Variants in ABCD2 observed in about 807,000 individuals in gnomAD.
ABCD2 encodes the protein ATP binding cassette subfamily D member 2, also known as ATP-binding cassette sub-family D member 2.
Under a neutral mutation model 70.9 loss-of-function variants are expected in ABCD2, and 36 were observed. The observed-to-expected ratio is 0.51, with a 90% confidence interval of 0.39 to 0.67. The LOEUF (loss-of-function observed/expected upper bound fraction) is 0.67. Among genes scored for constraint, ABCD2 ranks in the 30% least tolerant of loss-of-function variants. ABCD2 has a pLI of 0.00. For synonymous variants in ABCD2, 304 were observed against 306.9 expected (o/e 0.99, Z 0.10); for missense variants, 729 against 890.2 (o/e 0.82, Z 2.30).
intron 6 of ABCD2, 118 bp from the exon 7 acceptor site, chr12:39,586,415 ATATT>A (rs1941667632): frequency 4.9e-6 from 5 of 1,011,946 alleles, no homozygotes; most frequent in Non-Finnish European, 7.0e-6. Context: ...TTCCAGGATG[ATATT>A]TGTTACCTGG....
intron 9 of ABCD2, among the ~76,000 whole-genome samples, chr12:39,571,099 G>A (rs1941441863): frequency 6.6e-6 from 1 of 152,112 alleles, no homozygotes; most frequent in African/African-American, 2.4e-5. Context: ...TGGAAAAAAG[G>A]GAACTCTTAC....
chr12:39,538,178 T>TC, the ABCD2 span, among the ~76,000 whole-genome samples: 1 of 149,836 alleles, frequency 6.7e-6, no homozygotes, highest in Non-Finnish European at 1.5e-5. Flanking sequence ...TTTCTTTTTT[T>TC]TTTTTTTTTG....
intron 6 of ABCD2, among the ~76,000 whole-genome samples, chr12:39,593,407 CATAT>C (rs1941772620): frequency 6.6e-6 from 1 of 152,128 alleles, no homozygotes; most frequent in Admixed American, 6.6e-5. Context: ...CAAGTACCAC[CATAT>C]CCAGCTACTT....
At chr12:39,597,578 A>G (rs1224909488) in intron 6 of ABCD2, among the ~76,000 whole-genome samples, 1 of 152,170 alleles carries the variant, frequency 6.6e-6, no homozygotes, top group East Asian at 1.9e-4. Context: ...CAGGATGGCT[A>G]ATATAGGAGA....
intron 6 of ABCD2, among the ~76,000 whole-genome samples, chr12:39,598,285 C>G (rs1941847008): frequency 6.6e-6 from 1 of 152,162 alleles, no homozygotes; most frequent in South Asian, 2.1e-4. Flanking sequence ...AAAGCTCTGT[C>G]TTATGACTTG....
chr12:39,574,043 A>AT (rs1324073150), intron 8 of ABCD2, among the ~76,000 whole-genome samples: 1 of 152,116 alleles, frequency 6.6e-6, no homozygotes, highest in East Asian at 1.9e-4. Context: ...ATTTAAATAG[A>AT]TTTTCTGACG....
chr12:39,618,712 T>C lies in ABCD2; in HGVS notation c.904A>G (p.Asn302Asp). 1.9e-6 allele frequency: 3 copies of C among 1,614,214 alleles called. No individual in the cohort carries two copies. The highest frequency in any genetic ancestry group is 2.5e-6 in the Non-Finnish European group (3 of 1,180,030). The change falls in exon 1 of 10, where the codon AAT becomes GAT. Residue 302 changes from asparagine (N) to aspartate (D), a missense_variant. Asn to Asp is a conservative substitution (Grantham distance 23, BLOSUM62 1). Coordinates refer to ENST00000308666, the MANE Select transcript of ABCD2 (RefSeq NM_005164.4). ...CTGTAAAAGGCAATTTCTTCTACAT[T>C]GGCTATAATTCTCGAGTGCACATAC... is the stretch of plus-strand genomic sequence containing the variant. ...LRYVHSRIIA[N>D]VEEIAFYRGH...
At position 39,600,982 on chromosome 12, in the gene ABCD2, A is replaced by G. The variant is rs992148121; in HGVS notation, c.1501-266T>C. On this transcript the variant is annotated intron_variant, in intron 5 of 9. Coordinates refer to ENST00000308666, the MANE Select transcript of ABCD2 (RefSeq NM_005164.4). ...CTTTCCAAAATTGTAATTTGTTATCAGATACCACATACACATAGAGAAAAA... is the reference window on the plus strand; with the variant it reads ...CTTTCCAAAATTGTAATTTGTTATCGGATACCACATACACATAGAGAAAAA... 7.8e-4 allele frequency among the ~76,000 whole-genome samples: 119 copies of G among 152,128 alleles called. 2 individuals are homozygous for G. The highest frequency in any genetic ancestry group is 2.7e-3 in the African/African-American group (112 of 41,452).
intron 6 of ABCD2, among the ~76,000 whole-genome samples, chr12:39,589,508 C>T (rs188800620): frequency 1.3e-5 from 2 of 151,670 alleles, no homozygotes; most frequent in Non-Finnish European, 2.9e-5. Flanking sequence ...TCTTGTCAGC[C>T]TCCCAAGTAG....
chr12:39,540,938 A>G, the ABCD2 span, among the ~76,000 whole-genome samples: 1 of 152,376 alleles, frequency 6.6e-6, no homozygotes, highest in East Asian at 1.9e-4. Context: ...GGACCTCCTG[A>G]AGGCTGTGTC....
chr12:39,580,147 A>C (rs1941576867), intron 7 of ABCD2, among the ~76,000 whole-genome samples: 1 of 152,174 alleles, frequency 6.6e-6, no homozygotes, highest in South Asian at 2.1e-4. Context: ...CTAGGTTTAC[A>C]CATGTCTGGT....
chr12:39,559,005 T>C (rs1566530508), intron 9 of ABCD2, among the ~76,000 whole-genome samples: 1 of 152,238 alleles, frequency 6.6e-6, no homozygotes, highest in Admixed American at 6.5e-5. Flanking sequence ...AACAGGTTAC[T>C]TGCAAACTTA....
chr12:39,558,620 C>A (rs1397433869), intron 9 of ABCD2, among the ~76,000 whole-genome samples: 3 of 152,262 alleles, frequency 2.0e-5, no homozygotes, highest in African/African-American at 4.8e-5. Flanking sequence ...TGTAGTTCCT[C>A]CTGAGTTCAT....
the ABCD2 span, among the ~76,000 whole-genome samples, chr12:39,531,300 A>G: frequency 9.9e-5 from 15 of 152,266 alleles, no homozygotes; most frequent in African/African-American, 3.4e-4. Flanking sequence ...GCTGCGTTAA[A>G]ACCTAATCAG....
chr12:39,553,237 A>G lies in ABCD2; in HGVS notation c.*675T>C, dbSNP rs1941113243. 1 of 152,014 alleles carries G rather than the reference A, an allele frequency of 6.6e-6. No homozygotes were observed. Among genetic ancestry groups the G allele is most frequent in the South Asian group, 2.1e-4 (1 of 4,834 alleles). 9.4% of individuals were successfully genotyped at this position (152,014 alleles called of 1,614,324 possible). A position where few individuals can be genotyped will look rare whatever the true frequency, so the allele number is the denominator to read the frequency against. ...TATTGGCAATTCTCTTTTTAAAATG[A>G]AAGGATTTATTAAAAATATTTAAGA... On this transcript the variant is annotated 3_prime_UTR_variant, in exon 10 of 10. Coordinates refer to ENST00000308666, the MANE Select transcript of ABCD2 (RefSeq NM_005164.4).
intron 9 of ABCD2, among the ~76,000 whole-genome samples, chr12:39,569,138 C>T (rs1368606257): frequency 1.3e-5 from 2 of 152,224 alleles, no homozygotes; most frequent in East Asian, 3.9e-4. Flanking sequence ...GTGAGAACCA[C>T]TGCTCTCTTC....
At chr12:39,561,174 T>A (rs1941252373) in intron 9 of ABCD2, among the ~76,000 whole-genome samples, 1 of 151,678 alleles carries the variant, frequency 6.6e-6, no homozygotes. Flanking sequence ...GGTGGGCAGA[T>A]CACTTGAGGT....
chr12:39,541,055 T>A, the ABCD2 span, among the ~76,000 whole-genome samples: 2 of 152,178 alleles, frequency 1.3e-5, no homozygotes, highest in Non-Finnish European at 2.9e-5. Flanking sequence ...GAGTTCCTAC[T>A]ATGGACCAGG....
intron 8 of ABCD2, among the ~76,000 whole-genome samples, chr12:39,577,299 T>C (rs1941532755): frequency 6.6e-6 from 1 of 152,214 alleles, no homozygotes; most frequent in African/African-American, 2.4e-5. Context: ...TATGCTATGT[T>C]CTTATTCAAA....
Sources: gnomAD v4.1 joint callset for allele counts (sites outside exome capture counted in the v4.1 genomes callset) on GRCh38, gnomAD v4.1.1 for gene constraint, MANE v1.5 for transcripts, NCBI Gene and HGNC (gene_info 2026-07-23, HGNC 2026-07-21) for gene names.